ABTB2: variants seen among roughly 807,000 people sequenced by gnomAD.
ABTB2 encodes the protein ankyrin repeat and BTB/POZ domain-containing protein 2.
ABTB2 carries 56 observed loss-of-function variants against 104.1 expected under a neutral mutation model. The ratio of observed to expected loss-of-function variants is 0.54; its 90% CI spans 0.43 to 0.67. The LOEUF is 0.67. Among genes scored for constraint, ABTB2 ranks in the 30% least tolerant of loss-of-function variants. The pLI, the probability that ABTB2 is intolerant of heterozygous loss-of-function variation, is 0.00. For synonymous variants in ABTB2, 606 were observed against 608.2 expected, an observed-to-expected ratio of 1.00 and a Z score of 0.05; for missense variants, 1,279 against 1,407.7, an observed-to-expected ratio of 0.91 and a Z score of 1.46.
chr11:34,187,956 C>T (rs1025509632), intron 3 of ABTB2, among the ~76,000 whole-genome samples: 5 of 152,190 alleles, frequency 3.3e-5, no homozygotes, highest in African/African-American at 9.7e-5. Context: ...TTGAACACAA[C>T]GTGGTCTTTT....
At chr11:34,241,517 T>C (rs1450654892) in intron 1 of ABTB2, among the ~76,000 whole-genome samples, 1 of 151,856 alleles carries the variant, frequency 6.6e-6, no homozygotes, top group Non-Finnish European at 1.5e-5. Context: ...CTCCCAAGAG[T>C]CCAGGTTTGA....
intron 4 of ABTB2, 98 bp downstream of exon 4, chr11:34,173,057 C>T (rs1852906071): frequency 1.3e-6 from 2 of 1,502,578 alleles, no homozygotes; most frequent in Non-Finnish European, 1.8e-6. Context: ...CCCCTGCTCT[C>T]TGACCCCCGC....
intron 1 of ABTB2, among the ~76,000 whole-genome samples, chr11:34,275,419 T>A (rs1016326695): frequency 1.3e-5 from 2 of 152,008 alleles, no homozygotes; most frequent in Admixed American, 1.3e-4. Context: ...TCTCCAGAGA[T>A]GTTTAGGGCA....
At chr11:34,230,147 C>T (rs533523638) in intron 1 of ABTB2, among the ~76,000 whole-genome samples, 17 of 152,340 alleles carry the variant, frequency 1.1e-4, no homozygotes, top group African/African-American at 3.1e-4. Context: ...TATGCATGCG[C>T]AAACACACCC....
Position 34,285,318 on chromosome 11 carries a change from C to T in ABTB2, c.883+71383G>A, listed in dbSNP as rs541320194. Among the ~76,000 whole-genome samples the T allele has an allele frequency of 1.0e-3, 155 of 152,164 alleles. 1 individual carries two copies. Among genetic ancestry groups the T allele is most frequent in the African/African-American group, 2.6e-3 (108 of 41,514 alleles). ...AGCCCCAGAGTTAGGCGGGTGCTAT[C>T]GATCACTATCGGGGGTCCCTGGGGA... On this transcript the variant is annotated intron_variant, in intron 1 of 16. Transcript: ENST00000435224.
chr11:34,195,295 C>T (rs535399060), intron 3 of ABTB2, among the ~76,000 whole-genome samples: 1 of 152,342 alleles, frequency 6.6e-6, no homozygotes, highest in Non-Finnish European at 1.5e-5. Context: ...CTTCCCTGCT[C>T]TTTTTCCTTC....
In ABTB2 at chr11:34,255,625, C is replaced by A. The variant is rs142890240; in HGVS notation, c.884-50935G>T. Among the ~76,000 whole-genome samples the A allele has an allele frequency of 5.1e-3, 782 of 152,234 alleles. 5 individuals are homozygous for A. The highest frequency in any genetic ancestry group is 0.018 in the African/African-American group (756 of 41,518). ...AGTTCAACTTCAACTTCAAGCAATTCTTGTGTCTCAGCCTCCCAAGTAGCT... is the reference window on the plus strand; with the variant it reads ...AGTTCAACTTCAACTTCAAGCAATTATTGTGTCTCAGCCTCCCAAGTAGCT... On this transcript the variant is annotated intron_variant, in intron 1 of 16. Coordinates refer to ENST00000435224, the MANE Select transcript of ABTB2 (RefSeq NM_145804.3).
At chr11:34,314,983 C>T (rs1180825073) in intron 1 of ABTB2, among the ~76,000 whole-genome samples, 1 of 152,164 alleles carries the variant, frequency 6.6e-6, no homozygotes, top group African/African-American at 2.4e-5. Flanking sequence ...TCCAACCCAA[C>T]ACTCCAAATG....
intron 1 of ABTB2, among the ~76,000 whole-genome samples, chr11:34,230,186 G>A (rs1040966752): frequency 3.3e-5 from 5 of 152,230 alleles, no homozygotes; most frequent in Non-Finnish European, 7.3e-5. Flanking sequence ...TGTGATGACT[G>A]CTGTGATCAG....
At chr11:34,164,589 G>A (rs760319413) in intron 9 of ABTB2, 97 bp downstream of exon 9, 117 of 1,339,016 alleles carry the variant, frequency 8.7e-5, no homozygotes, top group Admixed American at 8.5e-4. Flanking sequence ...AAAGGTCTCC[G>A]GGCCTAGCTC....
chr11:34,181,670 T>C (rs1488815341), intron 3 of ABTB2, among the ~76,000 whole-genome samples: 3 of 152,092 alleles, frequency 2.0e-5, no homozygotes, highest in Admixed American at 1.3e-4. Flanking sequence ...GGTGTGAGCA[T>C]ACAACGTTCT....
rs954490094 is a variant in ABTB2, at chr11:34,227,440, G to C, written c.884-22750C>G. Among the ~76,000 whole-genome samples, 52 of 152,142 alleles carry C rather than the reference G, an allele frequency of 3.4e-4. 1 individual carries two copies. The highest frequency in any genetic ancestry group is 1.0e-4 in the Non-Finnish European group (7 of 68,030). ...CATAAATGGAATCCCACAAGATGTG[G>C]CTTTTTGTGTCTGGCTTCTTTTATG... On this transcript the variant is annotated intron_variant, in intron 1 of 16. Coordinates refer to ENST00000435224, the MANE Select transcript of ABTB2 (RefSeq NM_145804.3).
chr11:34,257,186 C>T (rs1456615931), intron 1 of ABTB2, among the ~76,000 whole-genome samples: 1 of 152,228 alleles, frequency 6.6e-6, no homozygotes, highest in Non-Finnish European at 1.5e-5. Flanking sequence ...TAATACCAAC[C>T]TCTGAATTCT....
At chr11:34,208,337 A>C (rs1430898597) in intron 1 of ABTB2, among the ~76,000 whole-genome samples, 6 of 152,220 alleles carry the variant, frequency 3.9e-5, no homozygotes, top group Non-Finnish European at 1.5e-5. Context: ...TGGAGAAGAA[A>C]GCATGCGGGA....
At chr11:34,299,699 A>G (rs1854675869) in intron 1 of ABTB2, among the ~76,000 whole-genome samples, 1 of 151,530 alleles carries the variant, frequency 6.6e-6, no homozygotes, top group Non-Finnish European at 1.5e-5. Flanking sequence ...GACAGCAACT[A>G]CTCTCGGGGC....
chr11:34,318,419 T>C (rs1854965717), intron 1 of ABTB2, among the ~76,000 whole-genome samples: 1 of 152,226 alleles, frequency 6.6e-6, no homozygotes, highest in Admixed American at 6.5e-5. Context: ...CCCATGTTAC[T>C]GCAAAAGACA....
At chr11:34,317,617 T>C (rs930938174) in intron 1 of ABTB2, among the ~76,000 whole-genome samples, 14 of 151,476 alleles carry the variant, frequency 9.2e-5, no homozygotes, top group Non-Finnish European at 1.8e-4. Context: ...CACAAAAAAA[T>C]ACAAAAATTA....
At chr11:34,160,773 G>C in intron 11 of ABTB2, 130 bp downstream of exon 11, 2 of 998,256 alleles carry the variant, frequency 2.0e-6, no homozygotes, top group Non-Finnish European at 2.9e-6. Context: ...GAGGGCAGGC[G>C]TGTGAGTGTG....
chr11:34,257,571 C>CAGCT (rs1161850312), intron 1 of ABTB2, among the ~76,000 whole-genome samples: 4 of 152,160 alleles, frequency 2.6e-5, no homozygotes, highest in African/African-American at 9.7e-5. Context: ...ATTTGAAATG[C>CAGCT]AGCTAATACG....
Sources: gnomAD v4.1 joint callset for allele counts (sites outside exome capture counted in the v4.1 genomes callset) on GRCh38, gnomAD v4.1.1 for gene constraint, MANE v1.5 for transcripts, NCBI Gene and HGNC (gene_info 2026-07-23, HGNC 2026-07-21) for gene names.